The following GLI3 variants were observed in gnomAD, a reference collection of about 807,000 sequenced individuals.
GLI3 encodes transcription activator GLI3.
Under a neutral mutation model 100.8 loss-of-function variants are expected in GLI3, and 20 were observed. The ratio of observed to expected loss-of-function variants is 0.20; its 90% CI spans 0.14 to 0.29. The LOEUF (loss-of-function observed/expected upper bound fraction) is 0.29. Among genes scored for constraint, GLI3 ranks in the 10% least tolerant of loss-of-function variants. The pLI, the probability that GLI3 is intolerant of heterozygous loss-of-function variation, is 1.00. For missense variants in GLI3, 2,040 were observed against 2,128.5 expected (o/e 0.96, Z 0.82); for synonymous variants, 938 against 860.5 (o/e 1.09, Z -1.58).
chr7:42,107,199 T>C (rs1785596658), intron 3 of GLI3, among the ~76,000 whole-genome samples: 1 of 151,742 alleles, frequency 6.6e-6, no homozygotes, highest in Admixed American at 6.6e-5. Flanking sequence ...GGTGTGAAGG[T>C]GCAAGTCTGT....
intron 7 of GLI3, among the ~76,000 whole-genome samples, chr7:42,028,344 G>A (rs1202026936): frequency 6.6e-6 from 1 of 152,130 alleles, no homozygotes; most frequent in African/African-American, 2.4e-5. Context: ...TGGGAGACAC[G>A]ACATTTGGGG....
rs534881092 is a variant in GLI3 at position 42,178,904 on chromosome 7, C to T, written c.125-30436G>A. Among the ~76,000 whole-genome samples, 29 of 152,004 alleles carry T rather than the reference C, an allele frequency of 1.9e-4. 1 individual carries two copies. Among genetic ancestry groups the T allele is most frequent in the African/African-American group, 6.5e-4 (27 of 41,462 alleles). On this transcript the variant is annotated intron_variant, in intron 2 of 14. Transcript: ENST00000395925. ...TGAGCACAGACTTGACAGACATGAGCGAGTCAGGAGAACAGACACAGGGGA... is the reference window on the plus strand; with the variant it reads ...TGAGCACAGACTTGACAGACATGAGTGAGTCAGGAGAACAGACACAGGGGA...
At chr7:42,246,805 CTTTTTTTTTTTTTTTTT>C (rs71006467) in intron 1 of GLI3, among the ~76,000 whole-genome samples, 1 of 94,996 alleles carries the variant, frequency 1.1e-5, no homozygotes, top group Non-Finnish European at 2.0e-5. Context: ...ATGATAGAAT[CTTTTTTTTTTTTTTTTT>C]TTTTTTTTTT....
chr7:42,078,524 C>T (rs1784928403), intron 3 of GLI3, among the ~76,000 whole-genome samples: 3 of 151,996 alleles, frequency 2.0e-5, no homozygotes, highest in African/African-American at 7.3e-5. Flanking sequence ...AGAAAACTTC[C>T]CAGAGGACTA....
chr7:42,228,367 A>G (rs1042878975), intron 1 of GLI3, among the ~76,000 whole-genome samples: 9 of 152,172 alleles, frequency 5.9e-5, no homozygotes, highest in African/African-American at 2.2e-4. Context: ...GGCCGCGGGA[A>G]AAGTGAAAAA....
At chr7:42,190,342 A>T (rs1198895163) in intron 2 of GLI3, among the ~76,000 whole-genome samples, 3 of 152,184 alleles carry the variant, frequency 2.0e-5, no homozygotes, top group African/African-American at 7.2e-5. Flanking sequence ...CCAAGATTAG[A>T]AAGACAGACA....
intron 7 of GLI3, among the ~76,000 whole-genome samples, chr7:42,030,766 T>C (rs1447962824): frequency 6.6e-6 from 1 of 151,440 alleles, no homozygotes; most frequent in Non-Finnish European, 1.5e-5. Context: ...TCTCCCAGGC[T>C]GGAGTGCAGT....
At chr7:42,007,621 A>G (rs902054430) in intron 10 of GLI3, among the ~76,000 whole-genome samples, 1 of 152,248 alleles carries the variant, frequency 6.6e-6, no homozygotes, top group African/African-American at 2.4e-5. Context: ...ATGTGATACA[A>G]AAGCACTCAC....
At chr7:42,179,678 T>G (rs1238522072) in intron 2 of GLI3, among the ~76,000 whole-genome samples, 2 of 151,872 alleles carry the variant, frequency 1.3e-5, no homozygotes, top group African/African-American at 4.8e-5. Flanking sequence ...AAGCTAGACT[T>G]GGGATGTGTG....
chr7:42,209,229 T>G (rs1444751631), intron 2 of GLI3, among the ~76,000 whole-genome samples: 1 of 152,040 alleles, frequency 6.6e-6, no homozygotes, highest in Admixed American at 6.6e-5. Flanking sequence ...TAATAATTTT[T>G]TTGTAGAGAC....
intron 5 of GLI3, among the ~76,000 whole-genome samples, chr7:42,046,271 A>G (rs1042876478): frequency 6.6e-6 from 1 of 152,246 alleles, no homozygotes; most frequent in African/African-American, 2.4e-5. Flanking sequence ...ATCTGGATTT[A>G]AACTGGCTCC....
intron 10 of GLI3, among the ~76,000 whole-genome samples, chr7:42,020,631 T>C (rs1244897214): frequency 1.3e-5 from 2 of 152,178 alleles, no homozygotes; most frequent in Non-Finnish European, 2.9e-5. Flanking sequence ...AAATGTCCTC[T>C]CTCCAAGGAA....
intron 3 of GLI3, among the ~76,000 whole-genome samples, chr7:42,087,035 G>C (rs932455042): frequency 2.6e-5 from 4 of 152,124 alleles, no homozygotes; most frequent in Non-Finnish European, 5.9e-5. Flanking sequence ...GAGGTCTGGG[G>C]TGTGAGGGCA....
In GLI3 at chr7:41,978,752, G is replaced by T. The variant is rs753456036; in HGVS notation, c.1498-4C>A. 1.2e-6 allele frequency: 2 copies of T among 1,613,434 alleles called. No homozygotes were observed. The highest frequency in any genetic ancestry group is 8.5e-7 in the Non-Finnish European group (1 of 1,179,436). ...GAATATGGTCGTTATTTATATGCTGGGGTTTGGAAAAAGAGAGAGAAATCA... is the reference window on the plus strand; with the variant it reads ...GAATATGGTCGTTATTTATATGCTGTGGTTTGGAAAAAGAGAGAGAAATCA... On this transcript the variant is annotated splice_polypyrimidine_tract_variant and splice_region_variant and intron_variant, in intron 10 of 14. Transcript: ENST00000395925.
chr7:42,116,526 T>C (rs1562738880), intron 3 of GLI3, among the ~76,000 whole-genome samples: 1 of 152,000 alleles, frequency 6.6e-6, no homozygotes. Context: ...TCCATCCCCT[T>C]TCTAAATACG....
At chr7:42,246,617 C>T (rs1788975318) in intron 1 of GLI3, among the ~76,000 whole-genome samples, 2 of 129,536 alleles carry the variant, frequency 1.5e-5, no homozygotes, top group Non-Finnish European at 3.0e-5. Context: ...TACAGAAAAA[C>T]AAAACAAAAC....
chr7:42,178,757 G>T (rs1787531777), intron 2 of GLI3, among the ~76,000 whole-genome samples: 1 of 152,310 alleles, frequency 6.6e-6, no homozygotes, highest in South Asian at 2.1e-4. Context: ...AGGTTACCAA[G>T]CGGCTATGGG....
chr7:42,187,239 T>C (rs1787735016), intron 2 of GLI3, among the ~76,000 whole-genome samples: 1 of 149,284 alleles, frequency 6.7e-6, no homozygotes, highest in Admixed American at 6.7e-5. Flanking sequence ...TGAAGAAGAG[T>C]ATTAGCAATA....
In GLI3 at chr7:42,079,065, A is replaced by G. The variant is rs1212461836; in HGVS notation, c.368-2208T>C. Among the ~76,000 whole-genome samples the G allele has an allele frequency of 2.6e-5, 4 of 152,214 alleles. No homozygotes were observed. In the East Asian group the frequency reaches 7.7e-4, roughly 29 times the overall value. On this transcript the variant is annotated intron_variant, in intron 3 of 14. Transcript: ENST00000395925. The stretch of plus-strand genomic sequence containing the variant: ...ACTTTACACATTTTGTAAAGTCCAT[A>G]TAAAAATTGATTATATTTTAAGTTT...
Sources: allele counts gnomAD v4.1 joint callset (sites outside exome capture counted in the v4.1 genomes callset), GRCh38; gene constraint gnomAD v4.1.1; transcripts MANE v1.5; gene names NCBI Gene and HGNC (gene_info 2026-07-23, HGNC 2026-07-21).